The following CDC42BPA variants were observed in gnomAD, a reference collection of about 807,000 sequenced individuals.
The protein encoded by CDC42BPA is CDC42 binding protein kinase alpha, also known as serine/threonine-protein kinase MRCK alpha.
In CDC42BPA, 80 loss-of-function variants were observed where a neutral mutation model predicts 223.5. That is an observed-to-expected ratio of 0.36 (90% CI 0.30 to 0.43). The LOEUF (loss-of-function observed/expected upper bound fraction) is 0.43, where lower values mean the gene tolerates loss of function less well. CDC42BPA is among the 20% of genes least tolerant of loss of function. CDC42BPA has a pLI of 1.00. For missense variants in CDC42BPA, 1,743 were observed against 2,099.9 expected (o/e 0.83, Z 3.32); for synonymous variants, 694 against 718.6 (o/e 0.97, Z 0.55).
intron 1 of CDC42BPA, among the ~76,000 whole-genome samples, chr1:227,300,699 T>TA (rs1326276423): frequency 6.6e-6 from 1 of 152,060 alleles, no homozygotes; most frequent in Non-Finnish European, 1.5e-5. Context: ...GGGTAAGGGA[T>TA]AAAAAACTAT....
chr1:227,264,918 T>A (rs557883045), intron 1 of CDC42BPA: 1 of 1,304,070 alleles, frequency 7.7e-7, no homozygotes, highest in Admixed American at 1.7e-5. Flanking sequence ...ACCAGCTCAA[T>A]ACCCCACTCG....
At chr1:227,013,207 G>A (rs1665548461) in intron 34 of CDC42BPA, among the ~76,000 whole-genome samples, 1 of 151,836 alleles carries the variant, frequency 6.6e-6, no homozygotes, top group African/African-American at 2.4e-5. Context: ...GCAATGAGAG[G>A]GCAAAAAGTC....
chr1:227,112,486 TC>T, intron 13 of CDC42BPA, 64 bp from the exon 14 acceptor site: 1 of 1,251,834 alleles, frequency 8.0e-7, no homozygotes, highest in South Asian at 1.5e-5. Context: ...AAAACATTTA[TC>T]CCAATGAGAA....
chr1:227,163,479 G>C (rs7540282), intron 5 of CDC42BPA, among the ~76,000 whole-genome samples: 1 of 151,872 alleles, frequency 6.6e-6, no homozygotes, highest in African/African-American at 2.4e-5. Context: ...ATCTTCAACT[G>C]TGCTAGCATG....
intron 2 of CDC42BPA, among the ~76,000 whole-genome samples, chr1:227,220,299 TATATATATATATACAC>T (rs1558796387): frequency 2.3e-5 from 3 of 128,536 alleles, no homozygotes; most frequent in African/African-American, 8.4e-5. Flanking sequence ...TATATATATA[TATATATATATATACAC>T]ACACACACAC....
intron 5 of CDC42BPA, among the ~76,000 whole-genome samples, chr1:227,171,413 G>T (rs560862166): frequency 6.6e-6 from 1 of 152,152 alleles, no homozygotes; most frequent in African/African-American, 2.4e-5. Context: ...TTGAGTCCAG[G>T]AGTTTATGAC....
chr1:227,013,693 AAAAAC>A (rs1665655442), intron 34 of CDC42BPA, among the ~76,000 whole-genome samples: 2 of 152,234 alleles, frequency 1.3e-5, no homozygotes, highest in South Asian at 4.1e-4. Context: ...TGTATGAGAT[AAAAAC>A]ATTCTTTTCT....
At chr1:227,069,963 CAA>C (rs970108906) in intron 20 of CDC42BPA, 110 bp from the exon 21 acceptor site, 1 of 621,870 alleles carries the variant, frequency 1.6e-6, no homozygotes, top group Non-Finnish European at 2.8e-6. Context: ...TACTGTATTT[CAA>C]AGTTGATCAC....
chr1:227,237,415 T>A (rs928916166), intron 2 of CDC42BPA, among the ~76,000 whole-genome samples: 1 of 152,180 alleles, frequency 6.6e-6, no homozygotes, highest in African/African-American at 2.4e-5. Flanking sequence ...GTGTAAACAA[T>A]ATTTCTACCT....
At position 226,992,971 on chromosome 1, in the gene CDC42BPA, T is replaced by C. The variant is rs1483993622; in HGVS notation, c.*1297A>G. The C allele has an allele frequency of 6.6e-6, 1 of 152,256 alleles. No homozygotes were observed. Among genetic ancestry groups the C allele is most frequent in the African/African-American group, 2.4e-5 (1 of 41,466 alleles). The allele number at this position is 152,256 out of a possible 1,614,324, so 9.4% of individuals were successfully genotyped here. ...TGGGGTTGTCACATCCATTTTCCAC[T>C]GGCTATGGGGAATAATATTTGGTTA... On this transcript the variant is annotated 3_prime_UTR_variant, in exon 37 of 37. Coordinates refer to ENST00000366766, the MANE Select transcript of CDC42BPA (RefSeq NM_001394014.1).
chr1:227,231,504 G>C lies in CDC42BPA; in HGVS notation c.271-18285C>G, dbSNP rs566669893. ...ATCCTTTGAGTATATGCCCAGTAAT[G>C]GGATGGCTGGGTCAAATGGTATTTC... On this transcript the variant is annotated intron_variant, in intron 2 of 36. Coordinates refer to ENST00000366766, the MANE Select transcript of CDC42BPA (RefSeq NM_001394014.1). Among the ~76,000 whole-genome samples the C allele has an allele frequency of 1.3e-3, 192 of 152,154 alleles. 2 individuals carry two copies. The highest frequency in any genetic ancestry group is 4.3e-3 in the African/African-American group (177 of 41,464).
chr1:227,030,374 A>T, intron 29 of CDC42BPA, 34 bp downstream of exon 29: 1 of 1,370,282 alleles, frequency 7.3e-7, no homozygotes, highest in Non-Finnish European at 1.0e-6. Flanking sequence ...AACACGATTT[A>T]AAATTACTCC....
intron 4 of CDC42BPA, among the ~76,000 whole-genome samples, chr1:227,196,326 T>G (rs911250342): frequency 1.4e-5 from 2 of 142,992 alleles, no homozygotes; most frequent in Admixed American, 7.5e-5. Context: ...TTCTTTTTAC[T>G]ATTAAACAAT....
At chr1:227,119,604 T>C (rs1688310084) in intron 12 of CDC42BPA, among the ~76,000 whole-genome samples, 200 bp downstream of exon 12, 1 of 152,096 alleles carries the variant, frequency 6.6e-6, no homozygotes, top group South Asian at 2.1e-4. Context: ...TTCTGAACTT[T>C]CAAGCTTCAA....
intron 6 of CDC42BPA, among the ~76,000 whole-genome samples, chr1:227,158,227 C>T (rs754330555): frequency 9.9e-5 from 15 of 152,004 alleles, no homozygotes; most frequent in African/African-American, 1.7e-4. Flanking sequence ...CCCAAAGTGC[C>T]GGGATTACAG....
At chr1:227,277,078 T>TAAAAAAAAA (rs199895591) in intron 1 of CDC42BPA, among the ~76,000 whole-genome samples, 5 of 105,018 alleles carry the variant, frequency 4.8e-5, no homozygotes, top group African/African-American at 1.4e-4. Flanking sequence ...CAATAAATAC[T>TAAAAAAAAA]AAAAAAAAAA....
At chr1:227,261,124 C>CTTTCTTTCTTTTTTTTTTTTTT (rs386417862) in intron 1 of CDC42BPA, among the ~76,000 whole-genome samples, 8 of 121,000 alleles carry the variant, frequency 6.6e-5, no homozygotes, top group Non-Finnish European at 8.4e-5. Flanking sequence ...TTGAGTTTTT[C>CTTTCTTTCTTTTTTTTTTTTTT]TTTTTTTTTG....
chr1:227,300,181 A>C (rs993937213), intron 1 of CDC42BPA, among the ~76,000 whole-genome samples: 2 of 152,180 alleles, frequency 1.3e-5, no homozygotes, highest in Non-Finnish European at 2.9e-5. Context: ...GTTGCTGTGG[A>C]TGTGGTGAAA....
chr1:227,164,676 G>A (rs1328492604), intron 5 of CDC42BPA, among the ~76,000 whole-genome samples: 4 of 152,050 alleles, frequency 2.6e-5, no homozygotes, highest in African/African-American at 7.2e-5. Context: ...TTTCAAGTGC[G>A]TGCGCATGAG....
Sources: allele counts gnomAD v4.1 joint callset (sites outside exome capture counted in the v4.1 genomes callset), GRCh38; gene constraint gnomAD v4.1.1; transcripts MANE v1.5; gene names NCBI Gene and HGNC (gene_info 2026-07-23, HGNC 2026-07-21).